The following WDPCP variants were observed in gnomAD, a reference collection of about 807,000 sequenced individuals.
The protein encoded by WDPCP is WD repeat-containing and planar cell polarity effector protein fritz homolog.
In WDPCP, 71 loss-of-function variants were observed where a neutral mutation model predicts 93.1. The observed-to-expected ratio is 0.76, with a 90% confidence interval of 0.63 to 0.93. WDPCP has a LOEUF of 0.93. WDPCP is among the 40% of genes least tolerant of loss of function. The pLI, the probability that WDPCP is intolerant of heterozygous loss-of-function variation, is 0.00. For missense variants in WDPCP, 844 were observed against 887.4 expected (o/e 0.95, Z 0.62); for synonymous variants, 315 against 315.0 (o/e 1.00, Z 0.00).
At chr2:63,323,941 C>T (rs1349113505) in intron 12 of WDPCP, among the ~76,000 whole-genome samples, 1 of 151,988 alleles carries the variant, frequency 6.6e-6, no homozygotes, top group Non-Finnish European at 1.5e-5. Context: ...CAAACCAAAA[C>T]CACAGGCGGT....
chr2:63,373,325 C>T (rs927027577), intron 12 of WDPCP, among the ~76,000 whole-genome samples: 2 of 149,990 alleles, frequency 1.3e-5, no homozygotes, highest in Admixed American at 6.7e-5. Context: ...ACAAGGCTCA[C>T]TGCAGACTTG....
intron 2 of WDPCP, among the ~76,000 whole-genome samples, chr2:63,715,878 A>C (rs1378608511): frequency 6.6e-6 from 1 of 152,328 alleles, no homozygotes; most frequent in Non-Finnish European, 1.5e-5. Flanking sequence ...GGGCTAGGGA[A>C]ATACAGGAAG....
chr2:63,530,365 G>A (rs1417109234), intron 1 of WDPCP, among the ~76,000 whole-genome samples: 3 of 152,188 alleles, frequency 2.0e-5, no homozygotes, highest in African/African-American at 7.2e-5. Flanking sequence ...GCTACACACT[G>A]CTTTAAATGT....
chr2:63,441,569 G>C (rs1334670738), intron 6 of WDPCP: 3 of 151,942 alleles, frequency 2.0e-5, no homozygotes, highest in Admixed American at 6.6e-5. Context: ...GAATACAGTA[G>C]GTGCTCAACA....
rs1255748699 is a variant in WDPCP at position 63,404,182 on chromosome 2, G to C, written c.1301C>G (p.Ala434Gly). The part of the protein sequence containing the change: ...ETLQFSKLFD[A>G]SSSLVQMQWI... ...TTGCATTTGAACAAGACTGCTGGAGGCATCAAATAATTTACTGAATTGCAG... is the reference window on the plus strand; with the variant it reads ...TTGCATTTGAACAAGACTGCTGGAGCCATCAAATAATTTACTGAATTGCAG... The change falls in exon 10 of 18, where the codon GCC becomes GGC. Residue 434 changes from alanine (A) to glycine (G), a missense_variant. Transcript: ENST00000272321. The C allele has an allele frequency of 6.2e-7, 1 of 1,613,918 alleles. No homozygotes were observed.
chr2:63,758,891 C>T (rs905531663), intron 2 of WDPCP, among the ~76,000 whole-genome samples: 6 of 152,094 alleles, frequency 3.9e-5, no homozygotes, highest in Non-Finnish European at 8.8e-5. Flanking sequence ...AATTCTCCTG[C>T]CTCAGCCTCC....
At chr2:63,632,340 G>T (rs2106634219) in intron 3 of WDPCP, among the ~76,000 whole-genome samples, 1 of 152,236 alleles carries the variant, frequency 6.6e-6, no homozygotes, top group African/African-American at 2.4e-5. Context: ...AATACCACCA[G>T]AGGAACACAA....
intron 13 of WDPCP, among the ~76,000 whole-genome samples, chr2:63,265,896 G>C (rs569111377): frequency 3.3e-5 from 5 of 152,254 alleles, no homozygotes; most frequent in South Asian, 4.1e-4. Flanking sequence ...GTATTAACAA[G>C]ATGAAGGACA....
At chr2:63,350,636 T>C (rs1689531989) in intron 12 of WDPCP, among the ~76,000 whole-genome samples, 2 of 152,150 alleles carry the variant, frequency 1.3e-5, no homozygotes, top group South Asian at 4.1e-4. Flanking sequence ...GCCCTTTCTT[T>C]GCAGGGCACA....
intron 2 of WDPCP, among the ~76,000 whole-genome samples, chr2:63,799,817 T>C (rs1670667385): frequency 6.6e-6 from 1 of 152,160 alleles, no homozygotes; most frequent in Non-Finnish European, 1.5e-5. Flanking sequence ...TCAGTAAAGT[T>C]TTCATTAGCC....
chr2:63,240,116 G>A (rs775761416), intron 14 of WDPCP, among the ~76,000 whole-genome samples: 21 of 152,086 alleles, frequency 1.4e-4, no homozygotes, highest in Non-Finnish European at 2.2e-4. Flanking sequence ...GACTGTTGAA[G>A]TGTTATTTGG....
chr2:63,404,929 CTT>C lies in WDPCP; in HGVS notation c.826-274_826-273del, dbSNP rs1461832211. On this transcript the variant is annotated intron_variant, in intron 9 of 17. Coordinates refer to ENST00000272321, the MANE Select transcript of WDPCP (RefSeq NM_015910.7). ...CAAGAATTAAACTATAAGATTTTAA[CTT>C]TAACAATTTGTTTTGGAAGGCCTGT... Among the ~76,000 whole-genome samples the C allele has an allele frequency of 2.0e-5, 3 of 152,204 alleles. No homozygotes were observed. The East Asian group carries it at 5.8e-4, about 29-fold the overall frequency.
intron 2 of WDPCP, among the ~76,000 whole-genome samples, chr2:63,808,499 G>A (rs1411037841): frequency 3.3e-5 from 5 of 152,186 alleles, no homozygotes; most frequent in Admixed American, 6.5e-5. Context: ...GCGCTGCCAC[G>A]CCTGACTGGT....
At chr2:63,664,079 A>G (rs1260698945) in intron 2 of WDPCP, among the ~76,000 whole-genome samples, 4 of 152,204 alleles carry the variant, frequency 2.6e-5, no homozygotes, top group African/African-American at 9.6e-5. Flanking sequence ...TTGTCTCAAT[A>G]TCATTTTTAG....
At chr2:63,353,735 C>G (rs1360160936) in intron 12 of WDPCP, among the ~76,000 whole-genome samples, 1 of 152,200 alleles carries the variant, frequency 6.6e-6, no homozygotes, top group East Asian at 1.9e-4. Flanking sequence ...CACCGTATGT[C>G]CCTGGGATGA....
intron 1 of WDPCP, among the ~76,000 whole-genome samples, chr2:63,515,386 C>T (rs1702484892): frequency 6.6e-6 from 1 of 152,060 alleles, no homozygotes; most frequent in Non-Finnish European, 1.5e-5. Flanking sequence ...GTGACTTGCA[C>T]GTTATCCAAT....
chr2:63,527,651 A>C (rs146909356), intron 1 of WDPCP, among the ~76,000 whole-genome samples: 6 of 151,774 alleles, frequency 4.0e-5, no homozygotes, highest in African/African-American at 9.7e-5. Flanking sequence ...CCAAGTCTTC[A>C]CTATTGTGAA....
chr2:63,447,094 A>T (rs1697916778), intron 6 of WDPCP, among the ~76,000 whole-genome samples: 1 of 152,204 alleles, frequency 6.6e-6, no homozygotes. Context: ...CAACTGCATG[A>T]TACCTTGTTG....
intron 3 of WDPCP, among the ~76,000 whole-genome samples, chr2:63,644,340 G>A (rs906423195): frequency 1.3e-5 from 2 of 151,394 alleles, no homozygotes; most frequent in South Asian, 2.1e-4. Flanking sequence ...CGCCTCCTGG[G>A]TTCAAGCAAT....
Sources: allele counts gnomAD v4.1 joint callset (sites outside exome capture counted in the v4.1 genomes callset), GRCh38; gene constraint gnomAD v4.1.1; transcripts MANE v1.5; gene names NCBI Gene and HGNC (gene_info 2026-07-23, HGNC 2026-07-21).